Variants in GRID1 observed in about 807,000 individuals in gnomAD.
GRID1 encodes glutamate receptor ionotropic, delta-1.
Under a neutral mutation model 98.0 loss-of-function variants are expected in GRID1, and 28 were observed. That is an observed-to-expected ratio of 0.29 (90% CI 0.21 to 0.39). GRID1 has a LOEUF of 0.39. Ranked by LOEUF, GRID1 falls within the 10% of genes least tolerant of loss-of-function variation. GRID1 has a pLI of 1.00. For synonymous variants in GRID1, 553 were observed against 538.5 expected (o/e 1.03, Z -0.37); for missense variants, 1,111 against 1,340.5 (o/e 0.83, Z 2.67).
intron 7 of GRID1, among the ~76,000 whole-genome samples, chr10:85,855,248 C>A (rs1843098367): frequency 2.6e-5 from 4 of 152,228 alleles, no homozygotes; most frequent in Admixed American, 2.6e-4. Flanking sequence ...TGGCTGTGGT[C>A]TCCATGCCTC....
chr10:85,723,789 C>G (rs1291600050), intron 11 of GRID1, among the ~76,000 whole-genome samples: 1 of 152,170 alleles, frequency 6.6e-6, no homozygotes, highest in Non-Finnish European at 1.5e-5. Flanking sequence ...ATTCTCCTTA[C>G]ATAACCTCAC....
intron 13 of GRID1, among the ~76,000 whole-genome samples, chr10:85,622,806 G>T (rs1842872754): frequency 6.6e-6 from 1 of 152,212 alleles, no homozygotes; most frequent in Non-Finnish European, 1.5e-5. Flanking sequence ...GTGGAGATGA[G>T]AAAGAGGGGA....
chr10:86,128,009 TA>T (rs1821568931), intron 4 of GRID1, among the ~76,000 whole-genome samples: 1 of 152,128 alleles, frequency 6.6e-6, no homozygotes, highest in African/African-American at 2.4e-5. Flanking sequence ...TTATGACCAG[TA>T]AATAGCCTCA....
At chr10:85,965,336 CAT>C (rs1443989902) in intron 4 of GRID1, among the ~76,000 whole-genome samples, 1 of 152,184 alleles carries the variant, frequency 6.6e-6, no homozygotes, top group African/African-American at 2.4e-5. Context: ...CACATGCACA[CAT>C]ATGTTTATTG....
At chr10:86,336,787 G>A (rs908053341) in intron 2 of GRID1, among the ~76,000 whole-genome samples, 3 of 151,294 alleles carry the variant, frequency 2.0e-5, no homozygotes, top group South Asian at 2.1e-4. Context: ...TGTAAGCGTC[G>A]CCCACTCATC....
At chr10:86,224,470 G>A (rs1453442119) in intron 2 of GRID1, among the ~76,000 whole-genome samples, 1 of 152,182 alleles carries the variant, frequency 6.6e-6, no homozygotes. Context: ...CCACTGCCCT[G>A]CCACAGCTGG....
chr10:86,117,474 T>C (rs1363344216), intron 4 of GRID1, among the ~76,000 whole-genome samples: 1 of 144,332 alleles, frequency 6.9e-6, no homozygotes, highest in African/African-American at 2.6e-5. Flanking sequence ...TCACCAACAA[T>C]AACAACACCA....
At chr10:86,066,437 G>A (rs1200125708) in intron 4 of GRID1, among the ~76,000 whole-genome samples, 1 of 152,196 alleles carries the variant, frequency 6.6e-6, no homozygotes, top group Non-Finnish European at 1.5e-5. Flanking sequence ...AGCCCTAAGA[G>A]AGGACACTCA....
chr10:85,771,269 T>A (rs1472943677), intron 8 of GRID1, among the ~76,000 whole-genome samples: 1 of 152,090 alleles, frequency 6.6e-6, no homozygotes, highest in Non-Finnish European at 1.5e-5. Context: ...GACAAGCAAA[T>A]GCTGAGAGAT....
chr10:85,609,622 AG>A (rs1842711669), intron 15 of GRID1, among the ~76,000 whole-genome samples: 1 of 152,186 alleles, frequency 6.6e-6, no homozygotes, highest in African/African-American at 2.4e-5. Context: ...GCCAGAACAG[AG>A]GGGCCATCTG....
At chr10:85,901,914 C>T (rs1046168150) in intron 5 of GRID1, among the ~76,000 whole-genome samples, 9 of 152,168 alleles carry the variant, frequency 5.9e-5, no homozygotes, top group African/African-American at 2.2e-4. Context: ...GGTTCCTTTA[C>T]GGCTGAGAAA....
At chr10:86,260,900 T>C (rs1225258564) in intron 2 of GRID1, among the ~76,000 whole-genome samples, 1 of 152,252 alleles carries the variant, frequency 6.6e-6, no homozygotes, top group Non-Finnish European at 1.5e-5. Flanking sequence ...TATTTTCTGC[T>C]TTAGCTTTAA....
chr10:85,780,258 T>TCCAGATAGA (rs1480607314), intron 8 of GRID1, among the ~76,000 whole-genome samples: 10 of 152,112 alleles, frequency 6.6e-5, no homozygotes, highest in African/African-American at 2.4e-4. Flanking sequence ...GGCACTGCAG[T>TCCAGATAGA]CCAGATAGAC....
At chr10:86,036,080 G>C (rs1843257163) in intron 4 of GRID1, among the ~76,000 whole-genome samples, 1 of 152,176 alleles carries the variant, frequency 6.6e-6, no homozygotes, top group South Asian at 2.1e-4. Context: ...CTGGTATATG[G>C]AGAAGGAAGC....
chr10:85,869,332 T>G (rs770822780), intron 5 of GRID1, 152 bp from the exon 6 acceptor site: 5 of 638,894 alleles, frequency 7.8e-6, no homozygotes, highest in Non-Finnish European at 1.4e-5. Context: ...TAGTTGCTTA[T>G]TCACAAATAA....
chr10:85,860,742 G>A (rs766377054), intron 6 of GRID1, among the ~76,000 whole-genome samples: 63 of 152,204 alleles, frequency 4.1e-4, no homozygotes, highest in Non-Finnish European at 8.4e-4. Flanking sequence ...ACAGTAGTGC[G>A]TGGATACAGC....
At chr10:85,920,008 C>T (rs1841680188) in intron 4 of GRID1, among the ~76,000 whole-genome samples, 2 of 152,076 alleles carry the variant, frequency 1.3e-5, no homozygotes, top group Non-Finnish European at 2.9e-5. Flanking sequence ...GAATGCACAC[C>T]CCTAACCAGG....
intron 12 of GRID1, among the ~76,000 whole-genome samples, chr10:85,654,449 A>G (rs1375687833): frequency 1.3e-5 from 2 of 152,236 alleles, no homozygotes; most frequent in East Asian, 1.9e-4. Flanking sequence ...TTATTACGTT[A>G]TAAATAAAAA....
At chr10:85,895,016 A>ATATATATATAT (rs1554838331) in intron 5 of GRID1, among the ~76,000 whole-genome samples, 10 of 97,104 alleles carry the variant, frequency 1.0e-4, no homozygotes, top group African/African-American at 2.3e-4. Context: ...AAAAAAAAAA[A>ATATATATATAT]ATATATATAT....
Sources: gnomAD v4.1 joint callset for allele counts (sites outside exome capture counted in the v4.1 genomes callset) on GRCh38, gnomAD v4.1.1 for gene constraint, MANE v1.5 for transcripts, NCBI Gene and HGNC (gene_info 2026-07-23, HGNC 2026-07-21) for gene names.